Variants in PKIB observed in about 807,000 individuals in gnomAD.
PKIB encodes cAMP-dependent protein kinase inhibitor beta.
A neutral mutation model predicts 4.5 loss-of-function variants in PKIB; 2 were observed. The observed-to-expected ratio is 0.44, with a 90% CI of 0.18 to 1.39. The LOEUF (loss-of-function observed/expected upper bound fraction) is 1.39. PKIB is among the 40% of genes most tolerant of loss of function. The pLI, the probability that PKIB is intolerant of heterozygous loss-of-function variation, is 0.27. For missense variants in PKIB, 94 were observed against 92.6 expected (o/e 1.02, Z -0.06); for synonymous variants, 38 against 36.0 (o/e 1.06, Z -0.20).
At chr6:122,645,815 T>C (rs1344306523) in intron 2 of PKIB, among the ~76,000 whole-genome samples, 3 of 152,138 alleles carry the variant, frequency 2.0e-5, no homozygotes, top group Non-Finnish European at 2.9e-5. Context: ...GCCAGGAAGG[T>C]CTTTAAAGAT....
intron 4 of PKIB, among the ~76,000 whole-genome samples, chr6:122,719,155 C>T (rs1035138662): frequency 2.6e-5 from 4 of 151,868 alleles, no homozygotes; most frequent in African/African-American, 9.7e-5. Context: ...GTGTAAAAAC[C>T]GTAATTAAAT....
At chr6:122,625,760 G>A (rs943495644) in intron 1 of PKIB, among the ~76,000 whole-genome samples, 4 of 151,976 alleles carry the variant, frequency 2.6e-5, no homozygotes, top group South Asian at 2.1e-4. Context: ...TATATAATAG[G>A]GAAAGAAATA....
chr6:122,681,456 A>G (rs1029810390), intron 3 of PKIB, among the ~76,000 whole-genome samples: 1 of 152,172 alleles, frequency 6.6e-6, no homozygotes. Flanking sequence ...GCTCATATAC[A>G]ATATTGTTTT....
At chr6:122,710,383 A>T (rs1779227050) in intron 3 of PKIB, among the ~76,000 whole-genome samples, 1 of 152,128 alleles carries the variant, frequency 6.6e-6, no homozygotes, top group South Asian at 2.1e-4. Context: ...CTTCAAAATC[A>T]CATTGTACAC....
chr6:122,653,211 G>C (rs1465943736), intron 2 of PKIB, among the ~76,000 whole-genome samples: 5 of 152,154 alleles, frequency 3.3e-5, no homozygotes, highest in Admixed American at 3.3e-4. Context: ...AAAATAATGA[G>C]GTTGATACAT....
At chr6:122,615,722 G>A (rs1049792007) in intron 1 of PKIB, among the ~76,000 whole-genome samples, 3 of 152,156 alleles carry the variant, frequency 2.0e-5, no homozygotes, top group Non-Finnish European at 4.4e-5. Context: ...GACACAAAGA[G>A]AAAGACACAT....
At chr6:122,703,888 C>T (rs1414579041) in intron 3 of PKIB, among the ~76,000 whole-genome samples, 1 of 149,048 alleles carries the variant, frequency 6.7e-6, no homozygotes, top group Non-Finnish European at 1.5e-5. Context: ...AAAATGCTCG[C>T]TCTCTATATA....
intron 3 of PKIB, among the ~76,000 whole-genome samples, chr6:122,682,604 A>G (rs1009296154): frequency 2.6e-5 from 4 of 152,110 alleles, no homozygotes; most frequent in East Asian, 3.9e-4. Flanking sequence ...AGGATGTGCC[A>G]TATTTTTTAG....
At chr6:122,674,152 G>T (rs1777575457) in intron 2 of PKIB, among the ~76,000 whole-genome samples, 1 of 152,120 alleles carries the variant, frequency 6.6e-6, no homozygotes, top group Admixed American at 6.6e-5. Context: ...GTTCTTGGAG[G>T]GCACCATGTA....
At chr6:122,660,565 A>C (rs1362035778) in intron 2 of PKIB, among the ~76,000 whole-genome samples, 2 of 152,170 alleles carry the variant, frequency 1.3e-5, no homozygotes, top group Non-Finnish European at 2.9e-5. Flanking sequence ...AATCACTGGA[A>C]AGTTTACAGG....
intron 2 of PKIB, among the ~76,000 whole-genome samples, chr6:122,674,321 T>A (rs1777586460): frequency 6.6e-6 from 1 of 152,158 alleles, no homozygotes; most frequent in South Asian, 2.1e-4. Context: ...AAGAAAATCA[T>A]TAGGACGTTG....
chr6:122,568,682 C>T (rs1162811089), intron 2 of PKIB, among the ~76,000 whole-genome samples: 1 of 152,196 alleles, frequency 6.6e-6, no homozygotes, highest in Non-Finnish European at 1.5e-5. Context: ...AAGCTCCCCA[C>T]TGAATTTTGT....
chr6:122,677,311 GT>G (rs201185967), intron 3 of PKIB, among the ~76,000 whole-genome samples: 23 of 151,884 alleles, frequency 1.5e-4, no homozygotes, highest in East Asian at 9.7e-4. Flanking sequence ...CTTGGAACTT[GT>G]TTTTTTTGTT....
chr6:122,576,694 A>ATAT (rs1773546735), intron 2 of PKIB, among the ~76,000 whole-genome samples: 3 of 110,832 alleles, frequency 2.7e-5, no homozygotes, highest in Middle Eastern at 4.1e-3. Flanking sequence ...AAAAAAATAT[A>ATAT]TATATATATA....
chr6:122,685,149 G>T (rs1184979985), intron 3 of PKIB, among the ~76,000 whole-genome samples: 1 of 152,082 alleles, frequency 6.6e-6, no homozygotes, highest in Non-Finnish European at 1.5e-5. Flanking sequence ...TTTAATTTAA[G>T]AAATGAGATC....
At chr6:122,563,589 A>G (rs1341431446) in intron 2 of PKIB, among the ~76,000 whole-genome samples, 1 of 151,954 alleles carries the variant, frequency 6.6e-6, no homozygotes, top group Non-Finnish European at 1.5e-5. Context: ...AGGCGGGGGC[A>G]GGACTAGGCA....
chr6:122,589,750 A>T (rs1773962586), intron 3 of PKIB, among the ~76,000 whole-genome samples: 1 of 152,150 alleles, frequency 6.6e-6, no homozygotes, highest in South Asian at 2.1e-4. Context: ...AGTTATTGAT[A>T]TTTCATTATT....
chr6:122,694,649 A>G (rs1241041815), intron 3 of PKIB, among the ~76,000 whole-genome samples: 2 of 152,164 alleles, frequency 1.3e-5, no homozygotes, highest in African/African-American at 4.8e-5. Flanking sequence ...ATTAATTTAC[A>G]CTGCCTGGTG....
chr6:122,603,890 A>C lies in PKIB; in HGVS notation c.-161+17883A>C, dbSNP rs573339761. On this transcript the variant is annotated intron_variant, in intron 3 of 6. Transcript: ENST00000392491. ...ATCTTTGGTAAGTTGTGATTTCTTTAATTATTTTTGGTGTTTTGTTATGTG... is the reference window on the plus strand; with the variant it reads ...ATCTTTGGTAAGTTGTGATTTCTTTCATTATTTTTGGTGTTTTGTTATGTG... Among the ~76,000 whole-genome samples, 10 of 152,236 alleles carry C rather than the reference A, an allele frequency of 6.6e-5. No individual in the cohort carries two copies. In the South Asian group the frequency reaches 2.1e-3, roughly 32 times the overall value.
Sources: allele counts gnomAD v4.1 joint callset (sites outside exome capture counted in the v4.1 genomes callset), GRCh38; gene constraint gnomAD v4.1.1; transcripts MANE v1.5; gene names NCBI Gene and HGNC (gene_info 2026-07-23, HGNC 2026-07-21).